The following GNL3L variants were observed in gnomAD, a reference collection of about 807,000 sequenced individuals.
GNL3L encodes guanine nucleotide-binding protein-like 3-like protein.
Under a neutral mutation model 42.9 loss-of-function variants are expected in GNL3L, and 4 were observed. The ratio of observed to expected loss-of-function variants is 0.09; its 90% CI spans 0.05 to 0.21. GNL3L has a LOEUF of 0.21. Ranked by LOEUF, GNL3L falls within the 10% of genes least tolerant of loss-of-function variation. The pLI, the probability that GNL3L is intolerant of heterozygous loss-of-function variation, is 1.00. For synonymous variants in GNL3L, 159 were observed against 176.3 expected (o/e 0.90, Z 0.78); for missense variants, 412 against 481.7 (o/e 0.86, Z 1.36).
Position 54,551,897 on chromosome X carries a change from C to G in GNL3L, c.1104C>G (p.His368Gln). ...AGCACTTTCTGACGGCAGTGGCCCACCGTTTGGGGAAGAAGAAGAAGGGAG... is the reference window on the plus strand; with the variant it reads ...AGCACTTTCTGACGGCAGTGGCCCAGCGTTTGGGGAAGAAGAAGAAGGGAG... ...TTEHFLTAVAHRLGKKKKGGL... is the reference protein window; with the variant it reads ...TTEHFLTAVAQRLGKKKKGGL... The change falls in exon 12 of 16, where the codon CAC becomes CAG. Residue 368 changes from histidine to glutamine, a missense_variant. Transcript: ENST00000360845. The G allele has an allele frequency of 8.3e-7, 1 of 1,210,842 alleles. No individual in the cohort carries two copies. The highest frequency in any genetic ancestry group is 1.1e-6 in the Non-Finnish European group (1 of 894,483).
chrX:54,642,577 G>A, the GNL3L span, among the ~76,000 whole-genome samples: 2 of 110,586 alleles, frequency 1.8e-5, no homozygotes, highest in Non-Finnish European at 3.8e-5. Context: ...TAAACAGAGA[G>A]TCCCTTCTCT....
In GNL3L at chrX:54,532,532, C is replaced by G; in HGVS notation, c.-35C>G. 1 of 1,157,112 alleles carries G rather than the reference C, an allele frequency of 8.6e-7. No homozygotes were observed. The highest frequency in any genetic ancestry group is 1.2e-6 in the Non-Finnish European group (1 of 846,664). ...CCCATTCTGACAGGAAGAGAGCAAG[C>G]AGATTTGAACCTATCTGCTTTCAAG... On this transcript the variant is annotated 5_prime_UTR_variant, in exon 2 of 16. Coordinates refer to ENST00000360845, the MANE Select transcript of GNL3L (RefSeq NM_001184819.2).
chrX:54,599,801 T>G (rs1925981123), intron 16 of GNL3L, among the ~76,000 whole-genome samples: 1 of 111,283 alleles, frequency 9.0e-6, no homozygotes, highest in South Asian at 3.7e-4. Flanking sequence ...GTTCAATGTT[T>G]GAATTCCCTG....
the GNL3L span, among the ~76,000 whole-genome samples, chrX:54,636,990 A>G: frequency 1.9e-3 from 218 of 112,246 alleles, 1 homozygote; most frequent in Non-Finnish European, 3.6e-3. Flanking sequence ...CATTTCCACC[A>G]TAAGTGTATA....
intron 8 of GNL3L, 84 bp from the exon 9 acceptor site, chrX:54,548,145 G>A (rs1924825130): frequency 2.9e-6 from 2 of 698,982 alleles, no homozygotes; most frequent in Admixed American, 5.5e-5. Context: ...GTGATCATAG[G>A]GAGGCCCTGA....
chrX:54,611,444 T>C (rs1926160463), intron 16 of GNL3L, among the ~76,000 whole-genome samples: 1 of 111,874 alleles, frequency 8.9e-6, no homozygotes, highest in African/African-American at 3.2e-5. Flanking sequence ...GAACTTAGAA[T>C]GTCAGTTTGT....
At chrX:54,532,712 G>A in intron 2 of GNL3L, 127 bp downstream of exon 2, 1 of 583,682 alleles carries the variant, frequency 1.7e-6, no homozygotes, top group Non-Finnish European at 3.0e-6. Flanking sequence ...CTAGGCTGGA[G>A]TGCAGTGGTG....
intron 16 of GNL3L, among the ~76,000 whole-genome samples, chrX:54,576,989 T>C (rs1232214092): frequency 9.0e-6 from 1 of 111,541 alleles, no homozygotes; most frequent in African/African-American, 3.3e-5. Context: ...GAACCATCAG[T>C]GCATCTATCT....
chrX:54,585,014 C>G (rs1393489862), intron 16 of GNL3L, among the ~76,000 whole-genome samples: 1 of 111,982 alleles, frequency 8.9e-6, no homozygotes, highest in African/African-American at 3.2e-5. Context: ...GAGCTCCTGA[C>G]CTCAGGTGAT....
At chrX:54,532,441 C>T (rs564399026) in intron 1 of GNL3L, 79 bp from the exon 2 acceptor site, 1 of 571,111 alleles carries the variant, frequency 1.8e-6, no homozygotes, top group African/African-American at 2.3e-5. Flanking sequence ...AACATTTTAC[C>T]TTTAGGGGAC....
intron 8 of GNL3L, among the ~76,000 whole-genome samples, chrX:54,545,857 T>A (rs756870300): frequency 5.4e-5 from 6 of 111,973 alleles, no homozygotes; most frequent in Non-Finnish European, 7.5e-5. Flanking sequence ...TTATTTATTT[T>A]AGATACAGAT....
chrX:54,591,355 G>A (rs1925869591), intron 16 of GNL3L, among the ~76,000 whole-genome samples: 1 of 109,988 alleles, frequency 9.1e-6, no homozygotes. Flanking sequence ...TGCTTTGGGA[G>A]CCCAAGGCTG....
the GNL3L span, among the ~76,000 whole-genome samples, chrX:54,640,293 G>A: frequency 1.8e-5 from 2 of 111,194 alleles, no homozygotes; most frequent in African/African-American, 6.6e-5. Flanking sequence ...CCCAAACCCA[G>A]AGATACCCAT....
chrX:54,558,569 A>C lies in GNL3L; in HGVS notation c.1580A>C (p.Gln527Pro). The C allele has an allele frequency of 8.3e-7, 1 of 1,210,695 alleles. No individual in the cohort carries two copies. Among genetic ancestry groups the C allele is most frequent in the Non-Finnish European group, 1.1e-6 (1 of 894,581 alleles). ...VCSVDRRSVL[Q>P]RIMETDPLQQ... ...TCAGTGGACCGCCGCTCAGTGCTGC[A>C]GAGGATCATGGAGACGGACCCCCTG... Residue 527 changes from glutamine (Q) to proline (P), a missense_variant, in exon 15 of 16, where the codon CAG (glutamine) becomes CCG (proline). By Grantham distance (76) the Gln-to-Pro change is moderately conservative (BLOSUM62 -1). Coordinates refer to ENST00000360845, the MANE Select transcript of GNL3L (RefSeq NM_001184819.2).
chrX:54,636,460 A>C, the GNL3L span, among the ~76,000 whole-genome samples: 1 of 111,694 alleles, frequency 9.0e-6, no homozygotes, highest in African/African-American at 3.3e-5. Context: ...TTGGTGTACA[A>C]ATGATCCCAT....
At chrX:54,599,821 C>T (rs888124414) in intron 16 of GNL3L, among the ~76,000 whole-genome samples, 15 of 111,193 alleles carry the variant, frequency 1.3e-4, no homozygotes, top group African/African-American at 4.9e-4. Flanking sequence ...GATTCTTCCT[C>T]TGTCCCCTCC....
intron 2 of GNL3L, among the ~76,000 whole-genome samples, chrX:54,535,990 C>G (rs1004446370): frequency 9.3e-6 from 1 of 107,832 alleles, no homozygotes; most frequent in Non-Finnish European, 1.9e-5. Context: ...TGCAGTGGTG[C>G]GATCTTGGCT....
downstream of GNL3L, among the ~76,000 whole-genome samples, chrX:54,568,958 T>C (rs1925506462): frequency 8.9e-6 from 1 of 112,619 alleles, no homozygotes; most frequent in Admixed American, 9.4e-5. Context: ...TGTGATTACT[T>C]TGCATGCATT....
chrX:54,535,381 T>G (rs1297645358), intron 2 of GNL3L, among the ~76,000 whole-genome samples: 2 of 111,551 alleles, frequency 1.8e-5, no homozygotes, highest in African/African-American at 3.3e-5. Context: ...CCTCCCAAAG[T>G]GCTGGGATTA....
Sources: gnomAD v4.1 joint callset for allele counts (sites outside exome capture counted in the v4.1 genomes callset) on GRCh38, gnomAD v4.1.1 for gene constraint, MANE v1.5 for transcripts, NCBI Gene and HGNC (gene_info 2026-07-23, HGNC 2026-07-21) for gene names.